Variants in CSMD1 observed in about 807,000 individuals in gnomAD.
CSMD1 encodes CUB and Sushi multiple domains 1, also known as CUB and sushi domain-containing protein 1.
Under a neutral mutation model 417.5 loss-of-function variants are expected in CSMD1, and 213 were observed. That is an observed-to-expected ratio of 0.51 (90% CI 0.46 to 0.57). The LOEUF (loss-of-function observed/expected upper bound fraction) is 0.57. CSMD1 is among the 20% of genes least tolerant of loss of function. The pLI, the probability that CSMD1 is intolerant of heterozygous loss-of-function variation, is 0.00. For synonymous variants in CSMD1, 2,862 were observed against 1,736.8 expected (o/e 1.65, Z -16.11); for missense variants, 6,923 against 4,529.7 (o/e 1.53, Z -15.17).
At chr8:3,036,208 A>T (rs1810664933) in intron 50 of CSMD1, among the ~76,000 whole-genome samples, 1 of 152,234 alleles carries the variant, frequency 6.6e-6, no homozygotes, top group African/African-American at 2.4e-5. Flanking sequence ...AGACTCATTC[A>T]GCCAGTGACA....
In CSMD1 at chr8:3,359,057, A is replaced by G. The variant is rs919561114; in HGVS notation, c.3304+95T>C. 3 of 1,212,112 alleles carry G rather than the reference A, an allele frequency of 2.5e-6. No individual in the cohort carries two copies. In the South Asian group the frequency reaches 4.0e-5, roughly 16 times the overall value. 75.1% of individuals were successfully genotyped at this position (1,212,112 alleles called of 1,614,324 possible). A position where few individuals can be genotyped will look rare whatever the true frequency, so the allele number is the denominator to read the frequency against. On this transcript the variant is annotated intron_variant, in intron 21 of 69. Coordinates refer to ENST00000635120, the MANE Select transcript of CSMD1 (RefSeq NM_033225.6). ...ACTTTCACCCTCTCCTTCCTTGTCA[A>G]CAAACCCCCACCCGACCCCGACCAC... is the stretch of plus-strand genomic sequence containing the variant.
intron 3 of CSMD1, among the ~76,000 whole-genome samples, chr8:4,066,701 T>A (rs1034952615): frequency 6.6e-6 from 1 of 152,126 alleles, no homozygotes; most frequent in African/African-American, 2.4e-5. Flanking sequence ...TGAAATTAGA[T>A]GATAGTATAT....
intron 3 of CSMD1, among the ~76,000 whole-genome samples, chr8:4,358,639 T>G (rs1399507378): frequency 1.3e-5 from 2 of 152,182 alleles, no homozygotes; most frequent in African/African-American, 4.8e-5. Flanking sequence ...ATGCAATAAT[T>G]TATGAATTCC....
intron 1 of CSMD1, among the ~76,000 whole-genome samples, chr8:4,945,377 GA>G (rs368797306): frequency 5.3e-4 from 81 of 152,070 alleles, no homozygotes; most frequent in African/African-American, 1.9e-3. Context: ...ACTGCCTGCC[GA>G]AAAATAGTTC....
chr8:4,242,817 C>T (rs536557299), intron 3 of CSMD1, among the ~76,000 whole-genome samples: 1 of 152,078 alleles, frequency 6.6e-6, no homozygotes, highest in South Asian at 2.1e-4. Flanking sequence ...CTTCATTCAC[C>T]AACGACATGT....
At position 4,729,880 on chromosome 8, in the gene CSMD1, T is replaced by C. The variant is rs190271650; in HGVS notation, c.86-92322A>G. 2.2e-3 allele frequency among the ~76,000 whole-genome samples: 333 copies of C among 152,332 alleles called. 2 individuals are homozygous for C. The highest frequency in any genetic ancestry group is 7.7e-3 in the African/African-American group (319 of 41,574). On this transcript the variant is annotated intron_variant, in intron 1 of 69. Transcript: ENST00000635120. ...TCTTTCTTTTGAATTCCTAAGGTGA[T>C]AGGAACCTCATCTGAAACTTCAGCG...
rs191868838 is a variant in CSMD1 at position 3,228,548 on chromosome 8, T to C, written c.4345+1492A>G. On this transcript the variant is annotated intron_variant, in intron 27 of 69. Transcript: ENST00000635120. ...GACATTCAAGGTAGAGACAGGGGTA[T>C]TTATTTACCTTTTGGTGCGTATTGG... Among the ~76,000 whole-genome samples the C allele has an allele frequency of 7.0e-4, 107 of 152,316 alleles. 1 individual carries two copies. Among genetic ancestry groups the C allele is most frequent in the African/African-American group, 2.5e-3 (104 of 41,572 alleles).
At chr8:3,851,696 G>C (rs964558409) in intron 5 of CSMD1, among the ~76,000 whole-genome samples, 10 of 152,036 alleles carry the variant, frequency 6.6e-5, no homozygotes, top group African/African-American at 2.4e-4. Flanking sequence ...GAAGAAAAGA[G>C]AAAAAAGCAG....
At chr8:4,392,495 A>G (rs1212692094) in intron 3 of CSMD1, among the ~76,000 whole-genome samples, 3 of 152,140 alleles carry the variant, frequency 2.0e-5, no homozygotes, top group African/African-American at 7.2e-5. Flanking sequence ...AGCCAAAGAA[A>G]AGGTAAAGAA....
intron 21 of CSMD1, among the ~76,000 whole-genome samples, chr8:3,355,129 C>G (rs1035576079): frequency 6.6e-6 from 1 of 151,978 alleles, no homozygotes; most frequent in Non-Finnish European, 1.5e-5. Context: ...TGACTTTCTA[C>G]TTTGTCAAGC....
At chr8:3,147,123 A>C (rs1258688355) in intron 40 of CSMD1, among the ~76,000 whole-genome samples, 2 of 152,214 alleles carry the variant, frequency 1.3e-5, no homozygotes, top group East Asian at 3.9e-4. Flanking sequence ...CAAAACTGTC[A>C]ATCAAGGAAA....
At chr8:4,902,124 A>G (rs949421813) in intron 1 of CSMD1, among the ~76,000 whole-genome samples, 21 of 152,186 alleles carry the variant, frequency 1.4e-4, no homozygotes, top group African/African-American at 5.1e-4. Flanking sequence ...CTATATATCA[A>G]TGAAGTTTGT....
At chr8:3,761,884 C>A (rs1313774764) in intron 5 of CSMD1, among the ~76,000 whole-genome samples, 1 of 152,064 alleles carries the variant, frequency 6.6e-6, no homozygotes, top group Non-Finnish European at 1.5e-5. Context: ...CCTTCTCTCT[C>A]CCTGACAATG....
At chr8:4,461,465 CA>C (rs1391286014) in intron 2 of CSMD1, among the ~76,000 whole-genome samples, 1 of 139,200 alleles carries the variant, frequency 7.2e-6, no homozygotes, top group Admixed American at 7.8e-5. Context: ...CTTAGATATC[CA>C]TTAAAAACTA....
intron 3 of CSMD1, among the ~76,000 whole-genome samples, chr8:4,144,488 C>T (rs79845176): frequency 0.045 from 6,759 of 151,090 alleles, 260 homozygotes; most frequent in Non-Finnish European, 0.067. Flanking sequence ...AATGGATATC[C>T]GCTTGAGGGC....
At chr8:4,706,171 T>A (rs1355374660) in intron 1 of CSMD1, among the ~76,000 whole-genome samples, 1 of 151,290 alleles carries the variant, frequency 6.6e-6, no homozygotes, top group Non-Finnish European at 1.5e-5. Flanking sequence ...ATACTGTACA[T>A]ATATATTTTT....
At chr8:4,368,158 A>G (rs1802195367) in intron 3 of CSMD1, among the ~76,000 whole-genome samples, 2 of 151,968 alleles carry the variant, frequency 1.3e-5, no homozygotes, top group African/African-American at 2.4e-5. Flanking sequence ...TTTTTTTGAG[A>G]TATATTCCTT....
At chr8:4,132,187 C>T (rs996251071) in intron 3 of CSMD1, among the ~76,000 whole-genome samples, 10 of 132,280 alleles carry the variant, frequency 7.6e-5, no homozygotes, top group African/African-American at 2.8e-4. Flanking sequence ...TAAAATTTGT[C>T]ATGGATTTTT....
chr8:3,497,008 G>C (rs1381407515), intron 10 of CSMD1, among the ~76,000 whole-genome samples: 2 of 152,068 alleles, frequency 1.3e-5, no homozygotes, highest in East Asian at 1.9e-4. Flanking sequence ...AAATATACTT[G>C]ATATGATTTA....
Sources: gnomAD v4.1 joint callset for allele counts (sites outside exome capture counted in the v4.1 genomes callset) on GRCh38, gnomAD v4.1.1 for gene constraint, MANE v1.5 for transcripts, NCBI Gene and HGNC (gene_info 2026-07-23, HGNC 2026-07-21) for gene names.